Variants in CSE1L observed in about 807,000 individuals in gnomAD.
The protein encoded by CSE1L is exportin-2.
In CSE1L, 24 loss-of-function variants were observed where a neutral mutation model predicts 120.4. The observed-to-expected ratio is 0.20, with a 90% CI of 0.14 to 0.28. The LOEUF (loss-of-function observed/expected upper bound fraction) is 0.28, where lower values mean the gene tolerates loss of function less well. Among genes scored for constraint, CSE1L ranks in the 10% least tolerant of loss-of-function variants. The pLI, the probability that CSE1L is intolerant of heterozygous loss-of-function variation, is 1.00. For missense variants in CSE1L, 830 were observed against 1,145.2 expected (o/e 0.72, Z 3.97); for synonymous variants, 402 against 398.3 (o/e 1.01, Z -0.11).
intron 16 of CSE1L, among the ~76,000 whole-genome samples, chr20:49,086,893 C>T (rs1301439980): frequency 6.6e-6 from 1 of 152,132 alleles, no homozygotes; most frequent in Admixed American, 6.5e-5. Context: ...TGAGATATGA[C>T]CTAACCGAAC....
In CSE1L at chr20:49,066,285, C is replaced by T. The variant is rs2091891608; in HGVS notation, c.322C>T (p.Gln108Ter). ...GATGCTTAGCAGCCCAGAGCAAATT[C>T]AGAAGCAGGTAATGTCGCTCCACTT... is the stretch of plus-strand genomic sequence containing the variant. ...HLMLSSPEQI[Q>*]KQLSDAISII... The change falls in exon 4 of 25, where the codon CAG becomes TAG. Residue 108 changes from glutamine (Q) to a stop codon, truncating the protein, a stop_gained. Transcript: ENST00000262982. LOFTEE classifies it high-confidence loss of function. 6.2e-7 allele frequency: 1 copy of T among 1,614,050 alleles called. No homozygotes were observed.
At chr20:49,048,768 A>G (rs1302384327) in intron 1 of CSE1L, among the ~76,000 whole-genome samples, 1 of 152,218 alleles carries the variant, frequency 6.6e-6, no homozygotes, top group Non-Finnish European at 1.5e-5. Context: ...GTATATTCCT[A>G]TGGTTAGAAA....
rs751691746 is a variant in CSE1L at position 49,090,967 on chromosome 20, C to T, written c.2310C>T (p.Ile770=). Residue 770 remains isoleucine, a synonymous_variant, in exon 21 of 25, where the codon ATC becomes ATT. Transcript: ENST00000262982. ...CAGTTGACCAATATAGGAAACAAAT[C>T]TTCATTCTGCTATTCCAGAGACTTC... ...PESVDQYRKQ[I]FILLFQRLQN... is the part of the protein sequence containing the mutation. 87 of 1,611,056 alleles carry T rather than the reference C, an allele frequency of 5.4e-5. No individual in the cohort carries two copies. The highest frequency in any genetic ancestry group is 6.8e-5 in the Non-Finnish European group (80 of 1,177,968).
At chr20:49,096,107 A>G in intron 24 of CSE1L, 2 of 666,720 alleles carry the variant, frequency 3.0e-6, no homozygotes, top group South Asian at 3.1e-5. Flanking sequence ...ACCAGTAAGG[A>G]CTTTTTAATT....
intron 16 of CSE1L, among the ~76,000 whole-genome samples, chr20:49,085,864 C>A (rs1362297471): frequency 6.6e-6 from 1 of 152,034 alleles, no homozygotes; most frequent in Non-Finnish European, 1.5e-5. Context: ...TGCACCTGGC[C>A]AACAGTAATC....
intron 2 of CSE1L, among the ~76,000 whole-genome samples, chr20:49,061,429 C>T (rs1324853966): frequency 6.6e-6 from 1 of 151,626 alleles, no homozygotes; most frequent in Non-Finnish European, 1.5e-5. Context: ...GCCTCAGCCT[C>T]CCAAAGTGCT....
In CSE1L at chr20:49,068,783, G is replaced by A; in HGVS notation, c.636G>A (p.Leu212=). 1 of 1,612,928 alleles carries A rather than the reference G, an allele frequency of 6.2e-7. No homozygotes were observed. The highest frequency in any genetic ancestry group is 8.5e-7 in the Non-Finnish European group (1 of 1,179,128). ...ASALRILFSS[L]ILISKLFYSL... ...CCCTGAGGATTCTGTTTTCTTCCCT[G>A]ATCCTGATCTCAAAATTGTTCTATA... The change falls in exon 7 of 25, where the codon CTG becomes CTA. Residue 212 remains leucine, a synonymous_variant. Transcript: ENST00000262982.
chr20:49,068,316 T>C (rs1480253353), intron 6 of CSE1L, among the ~76,000 whole-genome samples: 1 of 152,148 alleles, frequency 6.6e-6, no homozygotes, highest in Non-Finnish European at 1.5e-5. Context: ...AGGCTGGGCA[T>C]GGTGGCTCAC....
At chr20:49,068,608 A>G in intron 6 of CSE1L, 107 bp from the exon 7 acceptor site, 1 of 763,864 alleles carries the variant, frequency 1.3e-6, no homozygotes, top group East Asian at 2.6e-5. Context: ...CAAAAAAATA[A>G]ATAAGTAAAA....
intron 1 of CSE1L, among the ~76,000 whole-genome samples, chr20:49,053,347 CTTTTTTTT>C (rs11419181): frequency 3.1e-5 from 2 of 63,750 alleles, no homozygotes; most frequent in South Asian, 7.5e-4. Context: ...AGCAAACTAA[CTTTTTTTT>C]TTTTTTTTTT....
At chr20:49,067,087 A>G (rs2091898610) in intron 5 of CSE1L, 103 bp from the exon 6 acceptor site, 1 of 492,614 alleles carries the variant, frequency 2.0e-6, no homozygotes, top group East Asian at 3.4e-5. Context: ...AATTTCGGAA[A>G]CCCATCTATT....
chr20:49,075,293 A>C (rs1210175456), intron 11 of CSE1L, 25 bp from the exon 12 acceptor site: 5 of 1,559,754 alleles, frequency 3.2e-6, no homozygotes, highest in Non-Finnish European at 4.4e-6. Flanking sequence ...TTTTCCCCAT[A>C]ATATATTTTC....
At chr20:49,061,806 AT>A (rs201001289) in intron 2 of CSE1L, among the ~76,000 whole-genome samples, 2 of 148,896 alleles carry the variant, frequency 1.3e-5, no homozygotes, top group African/African-American at 2.5e-5. Flanking sequence ...CCCGGCAATT[AT>A]TTTTTTTTTA....
intron 24 of CSE1L, 24 bp downstream of exon 24, chr20:49,094,987 TGTGATAAA>T (rs1451255581): frequency 3.8e-6 from 6 of 1,578,774 alleles, no homozygotes; most frequent in Non-Finnish European, 5.2e-6. Context: ...CAAAGAACTC[TGTGATAAA>T]TGGAGACTTT....
At chr20:49,076,140 T>C (rs1028816018) in intron 12 of CSE1L, among the ~76,000 whole-genome samples, 1 of 152,148 alleles carries the variant, frequency 6.6e-6, no homozygotes, top group Non-Finnish European at 1.5e-5. Flanking sequence ...CAGTATAGTC[T>C]TATTTTATAT....
At chr20:49,077,153 C>CTTTTTTTTTTTTTTTTTTTTTTT (rs11439721) in intron 13 of CSE1L, 89 bp downstream of exon 13, 12 of 380,898 alleles carry the variant, frequency 3.2e-5, no homozygotes, top group African/African-American at 5.3e-5. Context: ...CCCTTTTGTT[C>CTTTTTTTTTTTTTTTTTTTTTTT]TTTTTTTTTT....
At chr20:49,060,182 CT>C (rs1433596488) in intron 2 of CSE1L, among the ~76,000 whole-genome samples, 12 of 97,584 alleles carry the variant, frequency 1.2e-4, no homozygotes, top group African/African-American at 4.3e-4. Flanking sequence ...GAAATCTTGT[CT>C]TAAAAAAAAA....
At chr20:49,068,540 A>T (rs1360968473) in intron 6 of CSE1L, among the ~76,000 whole-genome samples, 175 bp from the exon 7 acceptor site, 3 of 152,204 alleles carry the variant, frequency 2.0e-5, no homozygotes, top group Non-Finnish European at 4.4e-5. Flanking sequence ...TGGAGCTTGC[A>T]GCGAGCCGAG....
intron 17 of CSE1L, 84 bp from the exon 18 acceptor site, chr20:49,089,163 T>C: frequency 8.6e-7 from 1 of 1,156,884 alleles, no homozygotes; most frequent in Admixed American, 3.2e-5. Flanking sequence ...TTTTAAAAAA[T>C]AAGATGGCCT....
Sources: allele counts gnomAD v4.1 joint callset (sites outside exome capture counted in the v4.1 genomes callset), GRCh38; gene constraint gnomAD v4.1.1; transcripts MANE v1.5; gene names NCBI Gene and HGNC (gene_info 2026-07-23, HGNC 2026-07-21).